Variants in ABCC9 observed in about 807,000 individuals in gnomAD.
ABCC9 encodes ATP binding cassette subfamily C member 9.
ABCC9 carries 95 observed loss-of-function variants against 188.3 expected under a neutral mutation model. That is an observed-to-expected ratio of 0.50 (90% CI 0.43 to 0.60). The LOEUF is 0.60. Ranked by LOEUF, ABCC9 falls within the 20% of genes least tolerant of loss-of-function variation. ABCC9 has a pLI of 0.00. For missense variants in ABCC9, 1,102 were observed against 1,876.3 expected, an observed-to-expected ratio of 0.59 and a Z score of 7.62; for synonymous variants, 659 against 652.7, an observed-to-expected ratio of 1.01 and a Z score of -0.15.
intron 5 of ABCC9, among the ~76,000 whole-genome samples, chr12:21,920,122 A>G (rs1948750337): frequency 6.6e-6 from 1 of 152,066 alleles, no homozygotes; most frequent in Admixed American, 6.6e-5. Context: ...TGAAAAACCT[A>G]TAACTAACAT....
At chr12:21,859,037 A>G (rs891096665) in intron 22 of ABCC9, among the ~76,000 whole-genome samples, 1 of 152,186 alleles carries the variant, frequency 6.6e-6, no homozygotes, top group Non-Finnish European at 1.5e-5. Context: ...TCCAAGATGG[A>G]TATCACGAAA....
At chr12:21,805,242 C>T (rs1941752235) in intron 39 of ABCC9, 2 of 1,614,018 alleles carry the variant, frequency 1.2e-6, no homozygotes, top group South Asian at 1.1e-5. Context: ...GGGACAGTAT[C>T]ACACTCCACT....
At chr12:21,938,840 G>C (rs1313501343) in intron 2 of ABCC9, among the ~76,000 whole-genome samples, 2 of 152,082 alleles carry the variant, frequency 1.3e-5, no homozygotes, top group Non-Finnish European at 2.9e-5. Context: ...TAAATGTTGT[G>C]TGTAACTGGA....
intron 16 of ABCC9, among the ~76,000 whole-genome samples, chr12:21,876,339 C>T (rs1946347983): frequency 6.6e-6 from 1 of 152,226 alleles, no homozygotes; most frequent in African/African-American, 2.4e-5. Flanking sequence ...TATTTTCTCA[C>T]TGCCAGACAA....
chr12:21,916,221 A>G (rs1002019048), intron 6 of ABCC9, among the ~76,000 whole-genome samples: 4 of 152,164 alleles, frequency 2.6e-5, no homozygotes, highest in African/African-American at 9.6e-5. Context: ...CAACCAAATG[A>G]AGGTTTTTAC....
intron 29 of ABCC9, among the ~76,000 whole-genome samples, chr12:21,839,414 C>A (rs910721198): frequency 1.1e-4 from 17 of 152,162 alleles, no homozygotes; most frequent in African/African-American, 3.9e-4. Context: ...TAGTTTTGGA[C>A]ACAGTGAGTT....
At chr12:21,866,351 A>G (rs1441444952) in intron 18 of ABCC9, among the ~76,000 whole-genome samples, 1 of 152,196 alleles carries the variant, frequency 6.6e-6, no homozygotes, top group Non-Finnish European at 1.5e-5. Flanking sequence ...GTAACAACTG[A>G]ACTAGAGGGA....
At chr12:21,885,366 G>C (rs1416024301) in intron 15 of ABCC9, among the ~76,000 whole-genome samples, 1 of 152,162 alleles carries the variant, frequency 6.6e-6, no homozygotes. Flanking sequence ...GATATTGGAT[G>C]CATTTGAAGG....
intron 29 of ABCC9, among the ~76,000 whole-genome samples, chr12:21,841,508 G>A (rs1944394720): frequency 6.6e-6 from 1 of 151,436 alleles, no homozygotes; most frequent in African/African-American, 2.4e-5. Flanking sequence ...ACAGGCGGGT[G>A]CCACCACGCC....
chr12:21,807,823 T>C (rs1247354844), intron 37 of ABCC9, among the ~76,000 whole-genome samples: 1 of 152,208 alleles, frequency 6.6e-6, no homozygotes, highest in Admixed American at 6.5e-5. Context: ...CTGAAATGGC[T>C]TGCCCAAAGT....
chr12:21,861,100 T>C (rs1469338920), intron 20 of ABCC9, 45 bp from the exon 21 acceptor site: 3 of 1,491,972 alleles, frequency 2.0e-6, no homozygotes, highest in East Asian at 4.5e-5. Context: ...AATTAATACA[T>C]TGTCCATAAA....
chr12:21,907,739 C>G (rs1271293889), intron 11 of ABCC9, among the ~76,000 whole-genome samples: 2 of 152,010 alleles, frequency 1.3e-5, no homozygotes, highest in Non-Finnish European at 2.9e-5. Flanking sequence ...CCATTTCTTG[C>G]ATGTCAATAA....
chr12:21,910,128 A>C (rs910899997), intron 10 of ABCC9, 29 bp downstream of exon 10: 12 of 1,594,324 alleles, frequency 7.5e-6, no homozygotes, highest in African/African-American at 1.3e-5. Flanking sequence ...CTCTGCAGAC[A>C]AAAATCTTAC....
intron 28 of ABCC9, 80 bp from the exon 29 acceptor site, chr12:21,842,551 T>G: frequency 7.0e-7 from 1 of 1,432,126 alleles, no homozygotes; most frequent in Admixed American, 1.7e-5. Flanking sequence ...CCTATTTTTA[T>G]GTTGATAGTT....
chr12:21,916,871 T>C, intron 6 of ABCC9, 66 bp downstream of exon 6: 1 of 1,426,360 alleles, frequency 7.0e-7, no homozygotes, highest in Non-Finnish European at 9.5e-7. Flanking sequence ...GATTTCTAGC[T>C]AACTGTAATC....
At chr12:21,879,004 C>T (rs1473004356) in intron 16 of ABCC9, among the ~76,000 whole-genome samples, 3 of 152,184 alleles carry the variant, frequency 2.0e-5, no homozygotes, top group Middle Eastern at 3.4e-3. Flanking sequence ...AGGATAGGTA[C>T]AATGATGATC....
intron 31 of ABCC9, among the ~76,000 whole-genome samples, chr12:21,824,056 A>G (rs964745202): frequency 8.5e-5 from 13 of 152,206 alleles, no homozygotes; most frequent in African/African-American, 3.1e-4. Flanking sequence ...CTGTGTAGAC[A>G]AAGAGGAAAA....
intron 10 of ABCC9, among the ~76,000 whole-genome samples, chr12:21,909,271 CT>C (rs1005620096): frequency 1.4e-4 from 21 of 151,708 alleles, no homozygotes; most frequent in Admixed American, 4.0e-4. Flanking sequence ...ATAATATACA[CT>C]TTTTTTTGCC....
rs374491127 is a variant in ABCC9, at chr12:21,872,488, A to AT, written c.2198+136dup. On this transcript the variant is annotated intron_variant, in intron 18 of 39. Coordinates refer to ENST00000261200, the MANE Select transcript of ABCC9 (RefSeq NM_020297.4). ...TTTATGACTTTTAAGGTTTCCATCA[A>AT]TTTTTTTTTTAAAGCTGTGCTTATT... The AT allele has an allele frequency of 7.6e-3, 4,766 of 624,766 alleles. 31 individuals carry two copies. Among genetic ancestry groups the AT allele is most frequent in the African/African-American group, 0.038 (2,050 of 53,722 alleles). The allele number at this position is 624,766 out of a possible 1,614,324, so 38.7% of individuals were successfully genotyped here. A position where few individuals can be genotyped will look rare whatever the true frequency, so the allele number is the denominator to read the frequency against.
Sources: gnomAD v4.1 joint callset for allele counts (sites outside exome capture counted in the v4.1 genomes callset) on GRCh38, gnomAD v4.1.1 for gene constraint, MANE v1.5 for transcripts, NCBI Gene and HGNC (gene_info 2026-07-23, HGNC 2026-07-21) for gene names.